Variants in AGMO observed in about 807,000 individuals in gnomAD.
AGMO encodes the protein alkylglycerol monooxygenase, also known as glyceryl-ether monooxygenase.
In AGMO, 75 loss-of-function variants were observed where a neutral mutation model predicts 60.2. That is an observed-to-expected ratio of 1.25 (90% confidence interval 1.03 to 1.51). The LOEUF is 1.51. AGMO is among the 40% of genes most tolerant of loss of function. The probability of loss-of-function intolerance (pLI) is 0.00; values close to 1 mark genes in which losing one functional copy is unlikely to be tolerated. For missense variants in AGMO, 763 were observed against 525.5 expected (o/e 1.45, Z -4.42); for synonymous variants, 261 against 177.1 (o/e 1.47, Z -3.76).
intron 2 of AGMO, among the ~76,000 whole-genome samples, chr7:15,547,598 G>A (rs961603353): frequency 2.0e-5 from 3 of 152,124 alleles, no homozygotes; most frequent in East Asian, 1.9e-4. Flanking sequence ...CGAATATTGC[G>A]CTTTTCGGAC....
At chr7:15,317,556 A>T (rs1780963074) in intron 12 of AGMO, among the ~76,000 whole-genome samples, 1 of 152,112 alleles carries the variant, frequency 6.6e-6, no homozygotes, top group Non-Finnish European at 1.5e-5. Context: ...TGGTTTGTCT[A>T]AAATTTCTTA....
intron 2 of AGMO, among the ~76,000 whole-genome samples, chr7:15,553,875 T>C: frequency 6.6e-6 from 1 of 152,080 alleles, no homozygotes; most frequent in Admixed American, 6.6e-5. Context: ...CCTAACATAC[T>C]ACAGTCAAGC....
In AGMO at chr7:15,315,054, A is replaced by C. The variant is rs1015081810; in HGVS notation, c.1263+50460T>G. Among the ~76,000 whole-genome samples, 7 of 152,144 alleles carry C rather than the reference A, an allele frequency of 4.6e-5. No homozygotes were observed. The East Asian group carries it at 1.4e-3, about 29-fold the overall frequency. ...AAATGGGAACCTAAGTCCTATAACT[A>C]CAAGGAACTGGATTCAGCCAACAGC... On this transcript the variant is annotated intron_variant, in intron 12 of 12. Coordinates refer to ENST00000342526, the MANE Select transcript of AGMO (RefSeq NM_001004320.2).
At chr7:15,451,301 G>A (rs572843368) in intron 3 of AGMO, among the ~76,000 whole-genome samples, 285 of 123,094 alleles carry the variant, frequency 2.3e-3, no homozygotes, top group African/African-American at 8.1e-3. Flanking sequence ...GCCTATATTT[G>A]AAGAAGATAA....
the AGMO span, among the ~76,000 whole-genome samples, chr7:15,138,668 C>A: frequency 5.9e-5 from 9 of 152,108 alleles, no homozygotes; most frequent in Non-Finnish European, 1.0e-4. Flanking sequence ...TTCTAAACAC[C>A]AATGTTTCAA....
chr7:15,239,452 G>C (rs536824952), intron 12 of AGMO, among the ~76,000 whole-genome samples: 2 of 152,114 alleles, frequency 1.3e-5, no homozygotes, highest in East Asian at 3.9e-4. Context: ...GAAAACAATG[G>C]AATAATTAAG....
chr7:15,448,554 A>G (rs1208626607), intron 3 of AGMO, among the ~76,000 whole-genome samples: 2 of 152,112 alleles, frequency 1.3e-5, no homozygotes, highest in East Asian at 3.8e-4. Flanking sequence ...TAAAAGCTTT[A>G]AGCATAAAAG....
chr7:15,390,111 CCT>C (rs1460564856), intron 8 of AGMO, among the ~76,000 whole-genome samples: 3 of 152,012 alleles, frequency 2.0e-5, no homozygotes, highest in African/African-American at 7.3e-5. Flanking sequence ...CACAGACATT[CCT>C]GATTTCTCTA....
intron 12 of AGMO, among the ~76,000 whole-genome samples, chr7:15,346,430 A>T (rs1782033708): frequency 6.6e-6 from 1 of 152,008 alleles, no homozygotes; most frequent in Non-Finnish European, 1.5e-5. Context: ...ATAGTGTTTC[A>T]CGTGTTTTGT....
intron 8 of AGMO, 62 bp downstream of exon 8, chr7:15,390,609 T>A (rs1784098015): frequency 7.6e-7 from 1 of 1,314,036 alleles, no homozygotes; most frequent in South Asian, 1.4e-5. Flanking sequence ...CTGATTTTTC[T>A]CTTAACTATA....
In AGMO at chr7:15,437,855, G is replaced by C. The variant is rs369420654; in HGVS notation, c.410-6747C>G. ...GCGCCCGGATGTTTGGCCACATGTA[G>C]ACATTAAATAATCTCTCTAGAAGAG... is the stretch of plus-strand genomic sequence containing the variant. On this transcript the variant is annotated intron_variant, in intron 3 of 12. Transcript: ENST00000342526. 3.1e-4 allele frequency among the ~76,000 whole-genome samples: 47 copies of C among 152,212 alleles called. 1 individual carries two copies. The South Asian group carries it at 9.5e-3, about 31-fold the overall frequency.
chr7:15,409,912 A>G (rs1784794019), intron 5 of AGMO, among the ~76,000 whole-genome samples: 1 of 151,782 alleles, frequency 6.6e-6, no homozygotes. Flanking sequence ...TACCACTACA[A>G]ATTCTAATGA....
At chr7:15,447,940 A>C (rs1781746215) in intron 3 of AGMO, among the ~76,000 whole-genome samples, 1 of 152,158 alleles carries the variant, frequency 6.6e-6, no homozygotes, top group African/African-American at 2.4e-5. Flanking sequence ...GCAGAAACAG[A>C]ATGGGGGGTT....
chr7:15,120,465 C>G, the AGMO span, among the ~76,000 whole-genome samples: 1 of 152,058 alleles, frequency 6.6e-6, no homozygotes, highest in African/African-American at 2.4e-5. Flanking sequence ...GGAAATGGAG[C>G]CTTCGGGAGG....
chr7:15,313,928 G>A (rs575145872), intron 12 of AGMO, among the ~76,000 whole-genome samples: 1 of 151,880 alleles, frequency 6.6e-6, no homozygotes, highest in African/African-American at 2.4e-5. Flanking sequence ...TGCTTGTGTT[G>A]ATGTGAGATG....
At chr7:15,346,849 TAGTAGTA>T (rs982311124) in intron 12 of AGMO, among the ~76,000 whole-genome samples, 4 of 141,370 alleles carry the variant, frequency 2.8e-5, no homozygotes, top group Non-Finnish European at 6.1e-5. Flanking sequence ...TTGTTTAAAT[TAGTAGTA>T]AGTAACTATT....
the AGMO span, among the ~76,000 whole-genome samples, chr7:15,122,776 T>A: frequency 6.6e-6 from 1 of 152,264 alleles, no homozygotes; most frequent in Admixed American, 6.5e-5. Context: ...TCCACCCTGG[T>A]ATAAGCCACT....
chr7:15,507,432 A>G (rs1475839347), intron 3 of AGMO, among the ~76,000 whole-genome samples: 3 of 152,146 alleles, frequency 2.0e-5, no homozygotes, highest in Admixed American at 6.6e-5. Context: ...CCAAGAATTC[A>G]TAGGAATTAC....
chr7:15,484,323 G>T (rs1409963711), intron 3 of AGMO, among the ~76,000 whole-genome samples: 1 of 152,092 alleles, frequency 6.6e-6, no homozygotes, highest in African/African-American at 2.4e-5. Flanking sequence ...GGTACAAAAT[G>T]TATCGTACAA....
Sources: gnomAD v4.1 joint callset for allele counts (sites outside exome capture counted in the v4.1 genomes callset) on GRCh38, gnomAD v4.1.1 for gene constraint, MANE v1.5 for transcripts, NCBI Gene and HGNC (gene_info 2026-07-23, HGNC 2026-07-21) for gene names.